SLC35F1: variants seen among roughly 807,000 people sequenced by gnomAD.
SLC35F1 encodes the protein solute carrier family 35 member F1.
SLC35F1 carries 14 observed loss-of-function variants against 48.7 expected under a neutral mutation model. The ratio of observed to expected loss-of-function variants is 0.29; its 90% confidence interval spans 0.19 to 0.45. The LOEUF (loss-of-function observed/expected upper bound fraction) is 0.45, where lower values mean the gene tolerates loss of function less well. Among genes scored for constraint, SLC35F1 ranks in the 20% least tolerant of loss-of-function variants. SLC35F1 has a pLI of 1.00. For synonymous variants in SLC35F1, 190 were observed against 202.2 expected (o/e 0.94, Z 0.51); for missense variants, 404 against 500.0 (o/e 0.81, Z 1.83).
At chr6:117,957,969 G>C (rs115405947) in intron 1 of SLC35F1, among the ~76,000 whole-genome samples, 4 of 152,050 alleles carry the variant, frequency 2.6e-5, no homozygotes, top group East Asian at 1.9e-4. Flanking sequence ...GAGGTGTTCC[G>C]AAAGAAGGCA....
At chr6:118,292,163 G>T (rs1776131982) in intron 7 of SLC35F1, among the ~76,000 whole-genome samples, 1 of 151,850 alleles carries the variant, frequency 6.6e-6, no homozygotes, top group Admixed American at 6.6e-5. Flanking sequence ...ACTGATGCTT[G>T]GGTTCCCCTC....
chr6:118,206,294 T>C lies in SLC35F1; in HGVS notation c.350-29215T>C, dbSNP rs73766468. Among the ~76,000 whole-genome samples the C allele has an allele frequency of 9.0e-3, 1,371 of 152,342 alleles. 22 individuals are homozygous for C. The highest frequency in any genetic ancestry group is 0.032 in the African/African-American group (1,322 of 41,570). ...TTTTTCTAACATAACTTTTTCCCTC[T>C]TATTAGTCATCATGTTAACATGCTA... On this transcript the variant is annotated intron_variant, in intron 2 of 7. Transcript: ENST00000360388.
At chr6:118,146,915 T>G (rs1052813761) in intron 1 of SLC35F1, among the ~76,000 whole-genome samples, 1 of 152,224 alleles carries the variant, frequency 6.6e-6, no homozygotes, top group Non-Finnish European at 1.5e-5. Flanking sequence ...AGAGTTGATG[T>G]GCACAGATCA....
chr6:118,293,897 A>G (rs1056495009), intron 7 of SLC35F1, among the ~76,000 whole-genome samples: 4 of 152,252 alleles, frequency 2.6e-5, no homozygotes, highest in African/African-American at 9.6e-5. Flanking sequence ...ATTAAGCAGC[A>G]TGGTGTGTCC....
At chr6:117,908,040 C>T (rs1438647689) in intron 1 of SLC35F1, 141 bp downstream of exon 1, 17 of 854,870 alleles carry the variant, frequency 2.0e-5, no homozygotes, top group Non-Finnish European at 2.6e-5. Context: ...CGGGCGACGA[C>T]GCGCTCCGCG....
intron 2 of SLC35F1, among the ~76,000 whole-genome samples, chr6:118,192,317 G>A (rs1774743019): frequency 6.6e-6 from 1 of 152,134 alleles, no homozygotes; most frequent in Admixed American, 6.6e-5. Context: ...TTTTATTAAA[G>A]TTTCAGGAAT....
At chr6:118,021,033 A>T (rs1240917125) in intron 1 of SLC35F1, among the ~76,000 whole-genome samples, 4 of 152,268 alleles carry the variant, frequency 2.6e-5, no homozygotes, top group African/African-American at 7.2e-5. Flanking sequence ...GACATAATTA[A>T]AGGAAGTTTG....
At chr6:117,977,727 T>A (rs9387531) in intron 1 of SLC35F1, among the ~76,000 whole-genome samples, 32,382 of 152,028 alleles carry the variant, frequency 0.21, 3,657 homozygotes, top group East Asian at 0.33. Context: ...TAAAAATATA[T>A]GCATTTGAGC....
intron 1 of SLC35F1, among the ~76,000 whole-genome samples, chr6:118,124,094 T>C (rs1773590916): frequency 6.6e-6 from 1 of 152,156 alleles, no homozygotes; most frequent in South Asian, 2.1e-4. Context: ...TCCTGTTTTC[T>C]CAAAGATGAA....
intron 7 of SLC35F1, among the ~76,000 whole-genome samples, chr6:118,313,194 C>A (rs1776391146): frequency 1.3e-5 from 2 of 152,064 alleles, no homozygotes; most frequent in Admixed American, 6.6e-5. Context: ...AACGAAACAC[C>A]AGAAATGGCA....
chr6:118,106,862 C>T (rs3923322), intron 1 of SLC35F1, among the ~76,000 whole-genome samples: 46,885 of 152,064 alleles, frequency 0.31, 8,741 homozygotes, highest in Non-Finnish European at 0.43. Context: ...CTCAGATTGT[C>T]ATCTGCTTTG....
intron 1 of SLC35F1, among the ~76,000 whole-genome samples, chr6:117,991,953 C>A (rs1210438382): frequency 1.3e-5 from 2 of 152,032 alleles, no homozygotes. Context: ...TTAAGGATAT[C>A]AAATAATTTA....
chr6:117,937,470 C>T (rs1439147034), intron 1 of SLC35F1, among the ~76,000 whole-genome samples: 1 of 152,168 alleles, frequency 6.6e-6, no homozygotes, highest in Non-Finnish European at 1.5e-5. Flanking sequence ...TTATCAACCA[C>T]TAAAAAACTC....
chr6:118,071,060 C>A (rs1388977696), intron 1 of SLC35F1, among the ~76,000 whole-genome samples: 82 of 532 alleles, frequency 0.15, 3 homozygotes, highest in African/African-American at 0.3. Flanking sequence ...TATATATATT[C>A]TACGTATATA....
At position 117,907,411 on chromosome 6, in the gene SLC35F1, C is replaced by G. The variant is rs1775699760; in HGVS notation, c.-316C>G. 1 of 193,900 alleles carries G rather than the reference C, an allele frequency of 5.2e-6. No individual in the cohort carries two copies. Among genetic ancestry groups the G allele is most frequent in the Admixed American group, 6.1e-5 (1 of 16,402 alleles). The allele number at this position is 193,900 out of a possible 1,614,324, so 12.0% of individuals were successfully genotyped here. A position where few individuals can be genotyped will look rare whatever the true frequency, so the allele number is the denominator to read the frequency against. ...GAACCGACCGGCAGCTCCGCGCCCCCGCGCGACACCCTTCGCAGCCACTTC... is the reference window on the plus strand; with the variant it reads ...GAACCGACCGGCAGCTCCGCGCCCCGGCGCGACACCCTTCGCAGCCACTTC... On this transcript the variant is annotated 5_prime_UTR_variant, in exon 1 of 8. Coordinates refer to ENST00000360388, the MANE Select transcript of SLC35F1 (RefSeq NM_001029858.4).
At chr6:118,125,875 G>A (rs1482741412) in intron 1 of SLC35F1, among the ~76,000 whole-genome samples, 1 of 152,226 alleles carries the variant, frequency 6.6e-6, no homozygotes, top group Non-Finnish European at 1.5e-5. Context: ...AGGGCAAGCA[G>A]GTTTCAGTGG....
chr6:118,147,385 G>A (rs1773989594), intron 1 of SLC35F1, among the ~76,000 whole-genome samples: 1 of 152,148 alleles, frequency 6.6e-6, no homozygotes, highest in African/African-American at 2.4e-5. Flanking sequence ...CCCCTGGGTT[G>A]TGCCCACATA....
chr6:118,262,979 T>C (rs1775730885), intron 3 of SLC35F1, among the ~76,000 whole-genome samples: 1 of 152,188 alleles, frequency 6.6e-6, no homozygotes, highest in African/African-American at 2.4e-5. Context: ...CCTGTTGCTA[T>C]CACCATGACT....
chr6:117,915,309 C>T (rs989243685), intron 1 of SLC35F1, among the ~76,000 whole-genome samples: 1 of 152,094 alleles, frequency 6.6e-6, no homozygotes, highest in African/African-American at 2.4e-5. Flanking sequence ...GTATGTTTTT[C>T]TTCTAATAAC....
Sources: gnomAD v4.1 joint callset for allele counts (sites outside exome capture counted in the v4.1 genomes callset) on GRCh38, gnomAD v4.1.1 for gene constraint, MANE v1.5 for transcripts, NCBI Gene and HGNC (gene_info 2026-07-23, HGNC 2026-07-21) for gene names.